Variants in CNTN6 observed in about 807,000 individuals in gnomAD.
CNTN6 encodes contactin 6.
Under a neutral mutation model 122.8 loss-of-function variants are expected in CNTN6, and 137 were observed. The observed-to-expected ratio is 1.12, with a 90% confidence interval of 0.97 to 1.29. The LOEUF (loss-of-function observed/expected upper bound fraction) is 1.29. CNTN6 is among the 50% of genes most tolerant of loss of function. The pLI is 0.00. For missense variants in CNTN6, 1,634 were observed against 1,223.4 expected (o/e 1.34, Z -5.01); for synonymous variants, 570 against 426.0 (o/e 1.34, Z -4.16).
chr3:1,367,371 T>A (rs1457276227), intron 12 of CNTN6, among the ~76,000 whole-genome samples: 1 of 152,012 alleles, frequency 6.6e-6, no homozygotes, highest in Non-Finnish European at 1.5e-5. Flanking sequence ...CTCTACTATG[T>A]AAGAATATAT....
At chr3:1,278,660 A>G (rs2125791584) in intron 5 of CNTN6, 152 bp downstream of exon 5, 2 of 492,712 alleles carry the variant, frequency 4.1e-6, no homozygotes, top group East Asian at 6.1e-5. Flanking sequence ...ATAGTTCTAT[A>G]TCTAAACATT....
At chr3:1,347,667 G>A (rs2126060104) in intron 11 of CNTN6, among the ~76,000 whole-genome samples, 1 of 152,196 alleles carries the variant, frequency 6.6e-6, no homozygotes, top group Non-Finnish European at 1.5e-5. Flanking sequence ...TCTTGGAAGA[G>A]AGAAAATGTC....
intron 2 of CNTN6, among the ~76,000 whole-genome samples, chr3:1,213,597 A>G (rs1366796796): frequency 3.3e-5 from 5 of 151,904 alleles, no homozygotes; most frequent in African/African-American, 1.2e-4. Flanking sequence ...AATTATTAAT[A>G]TTGGGTAAAA....
intron 2 of CNTN6, among the ~76,000 whole-genome samples, chr3:1,209,646 A>G: frequency 6.8e-6 from 1 of 147,902 alleles, no homozygotes; most frequent in Non-Finnish European, 1.5e-5. Context: ...ATTACAATTT[A>G]AAAGACAACA....
At chr3:1,391,634 A>ATGAT (rs1694161942) in intron 20 of CNTN6, among the ~76,000 whole-genome samples, 2 of 151,624 alleles carry the variant, frequency 1.3e-5, no homozygotes, top group Non-Finnish European at 2.9e-5. Context: ...TGCAGATGAG[A>ATGAT]TGATTGTATA....
At chr3:1,269,571 T>C (rs931172863) in intron 4 of CNTN6, among the ~76,000 whole-genome samples, 1 of 152,226 alleles carries the variant, frequency 6.6e-6, no homozygotes, top group Non-Finnish European at 1.5e-5. Context: ...ATTTTTGTCA[T>C]AAGTGTCACT....
chr3:1,164,539 T>A (rs568827200), intron 2 of CNTN6, among the ~76,000 whole-genome samples: 2 of 152,252 alleles, frequency 1.3e-5, no homozygotes, highest in Non-Finnish European at 2.9e-5. Flanking sequence ...AGGGGAATGA[T>A]ATCCAAATCA....
At chr3:1,320,286 G>T (rs755380528) in intron 7 of CNTN6, among the ~76,000 whole-genome samples, 5 of 151,638 alleles carry the variant, frequency 3.3e-5, no homozygotes, top group Non-Finnish European at 5.9e-5. Flanking sequence ...CACATTTTCT[G>T]ACAAATATGT....
chr3:1,153,144 G>A (rs530354799), intron 2 of CNTN6, among the ~76,000 whole-genome samples: 11 of 152,106 alleles, frequency 7.2e-5, no homozygotes, highest in East Asian at 3.9e-4. Flanking sequence ...ATGAAATTAC[G>A]GACTGAATAC....
chr3:1,282,540 T>C (rs1693649042), intron 5 of CNTN6, among the ~76,000 whole-genome samples: 1 of 152,216 alleles, frequency 6.6e-6, no homozygotes, highest in South Asian at 2.1e-4. Flanking sequence ...TAACTGAATC[T>C]CTGTCCTTAG....
intron 7 of CNTN6, among the ~76,000 whole-genome samples, chr3:1,303,041 G>A (rs2125897858): frequency 6.6e-6 from 1 of 152,110 alleles, no homozygotes; most frequent in Non-Finnish European, 1.5e-5. Flanking sequence ...CTACTGGTGA[G>A]CCCATCAAAG....
intron 2 of CNTN6, among the ~76,000 whole-genome samples, chr3:1,209,687 T>C (rs2094006699): frequency 6.6e-6 from 1 of 151,948 alleles, no homozygotes; most frequent in Non-Finnish European, 1.5e-5. Context: ...TCCCAGCCCT[T>C]AAATACTGAG....
intron 2 of CNTN6, among the ~76,000 whole-genome samples, chr3:1,220,440 A>G (rs1393248952): frequency 1.3e-5 from 2 of 152,084 alleles, no homozygotes; most frequent in Non-Finnish European, 2.9e-5. Context: ...ATTTCTTGAT[A>G]TTGTTGGTTT....
intron 7 of CNTN6, among the ~76,000 whole-genome samples, chr3:1,321,387 A>T (rs181952991): frequency 1.3e-5 from 2 of 148,944 alleles, no homozygotes; most frequent in East Asian, 4.1e-4. Context: ...AAGCAACATA[A>T]GGGCAGAGGA....
intron 12 of CNTN6, among the ~76,000 whole-genome samples, chr3:1,364,135 G>A (rs138734208): frequency 3.0e-4 from 46 of 151,938 alleles, no homozygotes; most frequent in African/African-American, 1.0e-3. Context: ...AAAGAGCAAC[G>A]GAAAGGACTA....
intron 11 of CNTN6, among the ~76,000 whole-genome samples, chr3:1,335,765 A>C (rs532743084): frequency 1.6e-3 from 248 of 152,288 alleles, no homozygotes; most frequent in Non-Finnish European, 2.7e-3. Flanking sequence ...GCAGTGGCTC[A>C]TGCCTGTAAT....
At chr3:1,282,790 T>TC (rs1693696623) in intron 5 of CNTN6, among the ~76,000 whole-genome samples, 3 of 152,194 alleles carry the variant, frequency 2.0e-5, no homozygotes, top group Middle Eastern at 3.4e-3. Flanking sequence ...TTCCCTCGAG[T>TC]ATCTATTATA....
chr3:1,318,200 A>T (rs1045282770), intron 7 of CNTN6, among the ~76,000 whole-genome samples: 7 of 151,736 alleles, frequency 4.6e-5, no homozygotes, highest in African/African-American at 1.7e-4. Flanking sequence ...TTTAAGTCTC[A>T]TGTCTCTTGC....
intron 4 of CNTN6, among the ~76,000 whole-genome samples, chr3:1,276,675 C>T (rs116356523): frequency 1.3e-3 from 204 of 152,312 alleles, no homozygotes; most frequent in African/African-American, 4.5e-3. Context: ...ACCATCATTG[C>T]ATGGCTGTCT....
Sources: allele counts gnomAD v4.1 joint callset (sites outside exome capture counted in the v4.1 genomes callset), GRCh38; gene constraint gnomAD v4.1.1; transcripts MANE v1.5; gene names NCBI Gene and HGNC (gene_info 2026-07-23, HGNC 2026-07-21).